IFITM1: variants seen among roughly 807,000 people sequenced by gnomAD.
IFITM1 encodes interferon induced transmembrane protein 1, also known as interferon-induced transmembrane protein 1.
IFITM1 carries 1 observed loss-of-function variant against 4.0 expected under a neutral mutation model. The ratio of observed to expected loss-of-function variants is 0.25; its 90% CI spans 0.09 to 1.18. IFITM1 has a LOEUF of 1.18. Among genes scored for constraint, IFITM1 ranks in the 50% most tolerant of loss-of-function variants. IFITM1 has a pLI of 0.50. For missense variants in IFITM1, 131 were observed against 163.2 expected (o/e 0.80, Z 1.08); for synonymous variants, 79 against 69.7 (o/e 1.13, Z -0.67).
Position 314,052 on chromosome 11 carries a change from G to A in IFITM1, c.-119G>A. The A allele has an allele frequency of 3.9e-6, 3 of 761,546 alleles. No homozygotes were observed. The allele number at this position is 761,546 out of a possible 1,614,324, so 47.2% of individuals were successfully genotyped here. Reference sequence around the variant, plus strand: ...CTTCTGAGAAACTGAAACGACAGGGGAAAGGAGGTCTCACTGAGCACCGTC... The same window carrying A: ...CTTCTGAGAAACTGAAACGACAGGGAAAAGGAGGTCTCACTGAGCACCGTC... On this transcript the variant is annotated 5_prime_UTR_variant, in exon 1 of 2. Coordinates refer to ENST00000408968, the MANE Select transcript of IFITM1 (RefSeq NM_003641.5). The surrounding 1 kb of genome is among the most constrained non-coding windows in gnomAD (Gnocchi z 4.5).
chr11:315,266 C>A lies in IFITM1; in HGVS notation c.*153C>A. 1 of 730,148 alleles carries A rather than the reference C, an allele frequency of 1.4e-6. No homozygotes were observed. The highest frequency in any genetic ancestry group is 2.3e-6 in the Non-Finnish European group (1 of 443,670). The allele number at this position is 730,148 out of a possible 1,614,324, so 45.2% of individuals were successfully genotyped here. A position where few individuals can be genotyped will look rare whatever the true frequency, so the allele number is the denominator to read the frequency against. ...AGTGTCATTCAATAAAGTGCACGTG[C>A]TTGTGATGATGCTGTGACTTCATCT... On this transcript the variant is annotated 3_prime_UTR_variant, in exon 2 of 2. Transcript: ENST00000408968.
rs201402251 is a variant in IFITM1 at position 314,253 on chromosome 11, A to G, written c.83A>G (p.His28Arg). The change falls in exon 1 of 2, where the codon CAC (histidine) becomes CGC (arginine). Residue 28 changes from histidine (H) to arginine (R), a missense_variant. Physicochemically the swap from His to Arg is conservative, Grantham distance 29. Around this residue, in one of 3 missense-constraint regions of IFITM1, gnomAD observed 77 missense variants for 80.1 expected, o/e 0.96. Transcript: ENST00000408968. The surrounding 1 kb of genome is among the most constrained non-coding windows in gnomAD (Gnocchi z 4.5). ...CCAAGGTCCACCGTGATCAACATCC[A>G]CAGCGAGACCTCCGTGCCCGACCAT... ...ILPRSTVINI[H>R]SETSVPDHVV... 243 of 1,613,744 alleles carry G rather than the reference A, an allele frequency of 1.5e-4. 2 individuals carry two copies. Among genetic ancestry groups the G allele is most frequent in the East Asian group, 1.8e-4 (8 of 44,858 alleles).
Position 314,050 on chromosome 11 carries a change from G to T in IFITM1, c.-121G>T. 1.3e-6 allele frequency: 1 copy of T among 750,228 alleles called. No individual in the cohort carries two copies. Among genetic ancestry groups the T allele is most frequent in the South Asian group, 1.7e-5 (1 of 59,472 alleles). 46.5% of individuals were successfully genotyped at this position (750,228 alleles called of 1,614,324 possible). A position where few individuals can be genotyped will look rare whatever the true frequency, so the allele number is the denominator to read the frequency against. On this transcript the variant is annotated 5_prime_UTR_variant, in exon 1 of 2. Transcript: ENST00000408968. This position sits in a 1 kb window ranked among gnomAD's most constrained non-coding sequence, Gnocchi z 4.5. ...CACTTCTGAGAAACTGAAACGACAGGGGAAAGGAGGTCTCACTGAGCACCG... is the reference window on the plus strand; with the variant it reads ...CACTTCTGAGAAACTGAAACGACAGTGGAAAGGAGGTCTCACTGAGCACCG...
In IFITM1 at chr11:314,898, C is replaced by A; in HGVS notation, c.187-24C>A. On this transcript the variant is annotated intron_variant, in intron 1 of 1. Transcript: ENST00000408968. This position sits in a 1 kb window ranked among gnomAD's most constrained non-coding sequence, Gnocchi z 4.5. ...GGCTCTCAGCTGGGGGATCCTGGTC[C>A]CCTCACCATCTCCTCTCCCCCAGTC... 6.2e-7 allele frequency: 1 copy of A among 1,609,392 alleles called. No individual in the cohort carries two copies. The highest frequency in any genetic ancestry group is 8.5e-7 in the Non-Finnish European group (1 of 1,178,000).
Position 314,963 on chromosome 11 carries a change from G to A in IFITM1, c.228G>A (p.Gln76=), listed in dbSNP as rs1590305518. The change falls in exon 2 of 2, where the codon CAG becomes CAA. Residue 76 remains glutamine, a synonymous_variant. Transcript: ENST00000408968. This position sits in a 1 kb window ranked among gnomAD's most constrained non-coding sequence, Gnocchi z 4.5. ...RKMVGDVTGA[Q]AYASTAKCLN... The stretch of plus-strand genomic sequence containing the variant: ...TGGTTGGCGACGTGACCGGGGCCCA[G>A]GCCTATGCCTCCACCGCCAAGTGCC... The A allele has an allele frequency of 1.4e-5, 23 of 1,613,916 alleles. No individual in the cohort carries two copies. The highest frequency in any genetic ancestry group is 1.8e-5 in the Non-Finnish European group (21 of 1,180,008).
At position 314,735 on chromosome 11, in the gene IFITM1, TG is replaced by T. The variant is rs1846036087; in HGVS notation, c.187-183del. 6.6e-6 allele frequency among the ~76,000 whole-genome samples: 1 copy of T among 152,008 alleles called. No individual in the cohort carries two copies. Among genetic ancestry groups the T allele is most frequent in the Admixed American group, 6.6e-5 (1 of 15,256 alleles). On this transcript the variant is annotated intron_variant, in intron 1 of 1. Transcript: ENST00000408968. The surrounding 1 kb of genome is among the most constrained non-coding windows in gnomAD (Gnocchi z 4.5). The stretch of plus-strand genomic sequence containing the variant: ...ACTCACAGGTGACTTCACCCCATGG[TG>T]GGGAGAACAGCCTGTGCTGGGGCCA...
At position 314,209 on chromosome 11, in the gene IFITM1, A is replaced by G. The variant is rs767158694; in HGVS notation, c.39A>G (p.Pro13=). The G allele has an allele frequency of 3.4e-5, 55 of 1,612,084 alleles. No homozygotes were observed. Among genetic ancestry groups the G allele is most frequent in the Non-Finnish European group, 4.3e-5 (51 of 1,178,708 alleles). ...KEEHEVAVLG[P]PPSTILPRST... ...AACATGAGGTGGCTGTGCTGGGGCC[A>G]CCCCCCAGCACCATCCTTCCAAGGT... Residue 13 remains proline, a synonymous_variant, in exon 1 of 2, where the codon CCA becomes CCG. Coordinates refer to ENST00000408968, the MANE Select transcript of IFITM1 (RefSeq NM_003641.5). The surrounding 1 kb of genome is among the most constrained non-coding windows in gnomAD (Gnocchi z 4.5).
At position 314,410 on chromosome 11, in the gene IFITM1, C is replaced by T. The variant is rs1846033835; in HGVS notation, c.186+54C>T. On this transcript the variant is annotated intron_variant, in intron 1 of 1. Coordinates refer to ENST00000408968, the MANE Select transcript of IFITM1 (RefSeq NM_003641.5). This position sits in a 1 kb window ranked among gnomAD's most constrained non-coding sequence, Gnocchi z 4.5. ...GGGTGCCGGTGAGCCTGGGGCTCCA[C>T]CTGCCCACATGCTGCCTGGGGTGGG... 6.2e-6 allele frequency: 10 copies of T among 1,604,104 alleles called. No homozygotes were observed. The highest frequency in any genetic ancestry group is 8.5e-6 in the Non-Finnish European group (10 of 1,172,044).
rs1436813044 is a variant in IFITM1, at chr11:314,424, G to A, written c.186+68G>A. 1.6e-5 allele frequency: 25 copies of A among 1,581,752 alleles called. No homozygotes were observed. In the Admixed American group the frequency reaches 4.0e-4, roughly 26 times the overall value. Reference sequence around the variant, plus strand: ...CTGGGGCTCCACCTGCCCACATGCTGCCTGGGGTGGGGACTTGTGTGTCCC... The same window carrying A: ...CTGGGGCTCCACCTGCCCACATGCTACCTGGGGTGGGGACTTGTGTGTCCC... On this transcript the variant is annotated intron_variant, in intron 1 of 1. Transcript: ENST00000408968. This position sits in a 1 kb window ranked among gnomAD's most constrained non-coding sequence, Gnocchi z 4.5.
In IFITM1 at chr11:314,243, A is replaced by G; in HGVS notation, c.73A>G (p.Ile25Val). 6.2e-7 allele frequency: 1 copy of G among 1,613,968 alleles called. No homozygotes were observed. Among genetic ancestry groups the G allele is most frequent in the Non-Finnish European group, 8.5e-7 (1 of 1,179,884 alleles). The change falls in exon 1 of 2, where the codon ATC becomes GTC. Residue 25 changes from isoleucine (I) to valine (V), a missense_variant. By Grantham distance (29) the Ile-to-Val change is conservative. Transcript: ENST00000408968. The surrounding 1 kb of genome is among the most constrained non-coding windows in gnomAD (Gnocchi z 4.5). ...CACCATCCTTCCAAGGTCCACCGTG[A>G]TCAACATCCACAGCGAGACCTCCGT... ...PSTILPRSTV[I>V]NIHSETSVPD...
chr11:315,064 C>G lies in IFITM1; in HGVS notation c.329C>G (p.Thr110Arg). 1.9e-6 allele frequency: 3 copies of G among 1,614,186 alleles called. No individual in the cohort carries two copies. Among genetic ancestry groups the G allele is most frequent in the Non-Finnish European group, 2.5e-6 (3 of 1,180,012 alleles). ...FILLLVFGSV[T>R]VYHIMLQIIQ... ...CTGTTACTGGTATTCGGCTCTGTGA[C>G]AGTCTACCATATTATGTTACAGATA... Residue 110 changes from threonine (T) to arginine (R), a missense_variant, in exon 2 of 2, where the codon ACA (threonine) becomes AGA (arginine). Around this residue, in one of 3 missense-constraint regions of IFITM1, gnomAD observed 35 missense variants for 30.1 expected, o/e 1.16. Transcript: ENST00000408968.
Position 314,075 on chromosome 11 carries a change from G to A in IFITM1, c.-96G>A, listed in dbSNP as rs953155211. 14 of 1,053,080 alleles carry A rather than the reference G, an allele frequency of 1.3e-5. No individual in the cohort carries two copies. Among genetic ancestry groups the A allele is most frequent in the East Asian group, 1.2e-4 (5 of 41,564 alleles). 65.2% of individuals were successfully genotyped at this position (1,053,080 alleles called of 1,614,324 possible). A position where few individuals can be genotyped will look rare whatever the true frequency, so the allele number is the denominator to read the frequency against. ...GGGAAAGGAGGTCTCACTGAGCACC[G>A]TCCCAGCATCCGGACACCACAGCGG... On this transcript the variant is annotated 5_prime_UTR_variant, in exon 1 of 2. Coordinates refer to ENST00000408968, the MANE Select transcript of IFITM1 (RefSeq NM_003641.5). The surrounding 1 kb of genome is among the most constrained non-coding windows in gnomAD (Gnocchi z 4.5).
In IFITM1 at chr11:314,272, C is replaced by T. The variant is rs752987131; in HGVS notation, c.102C>T (p.Pro34=). 1.4e-5 allele frequency: 22 copies of T among 1,613,792 alleles called. No individual in the cohort carries two copies. The highest frequency in any genetic ancestry group is 3.3e-5 in the Admixed American group (2 of 60,002). Residue 34 remains proline (P), a synonymous_variant, in exon 1 of 2, where the codon CCC becomes CCT. Transcript: ENST00000408968. The surrounding 1 kb of genome is among the most constrained non-coding windows in gnomAD (Gnocchi z 4.5). ...VINIHSETSV[P]DHVVWSLFNT... is the part of the protein sequence containing the mutation. ...ACATCCACAGCGAGACCTCCGTGCC[C>T]GACCATGTCGTCTGGTCCCTGTTCA...
rs764979665 is a variant in IFITM1, at chr11:314,919, C to T, written c.187-3C>T. On this transcript the variant is annotated splice_region_variant and splice_polypyrimidine_tract_variant and intron_variant, in intron 1 of 1. Transcript: ENST00000408968. This position sits in a 1 kb window ranked among gnomAD's most constrained non-coding sequence, Gnocchi z 4.5. Reference sequence around the variant, plus strand: ...GGTCCCCTCACCATCTCCTCTCCCCCAGTCTAGGGACAGGAAGATGGTTGG... The same window carrying T: ...GGTCCCCTCACCATCTCCTCTCCCCTAGTCTAGGGACAGGAAGATGGTTGG... 2 of 1,612,178 alleles carry T rather than the reference C, an allele frequency of 1.2e-6. No individual in the cohort carries two copies. The highest frequency in any genetic ancestry group is 1.1e-5 in the South Asian group (1 of 91,000).
Position 315,163 on chromosome 11 carries a change from C to G in IFITM1, c.*50C>G. Reference sequence around the variant, plus strand: ...TGCACTCCACTGTGCAATGCTGGCCCTGCACGCTGGGGCTGTTGCCCCTGC... The same window carrying G: ...TGCACTCCACTGTGCAATGCTGGCCGTGCACGCTGGGGCTGTTGCCCCTGC... On this transcript the variant is annotated 3_prime_UTR_variant, in exon 2 of 2. Coordinates refer to ENST00000408968, the MANE Select transcript of IFITM1 (RefSeq NM_003641.5). 1 of 1,578,944 alleles carries G rather than the reference C, an allele frequency of 6.3e-7. No individual in the cohort carries two copies. The highest frequency in any genetic ancestry group is 8.7e-7 in the Non-Finnish European group (1 of 1,152,234).
At position 314,363 on chromosome 11, in the gene IFITM1, A is replaced by C. The variant is rs756590869; in HGVS notation, c.186+7A>C. The C allele has an allele frequency of 3.1e-6, 5 of 1,613,780 alleles. No homozygotes were observed. The highest frequency in any genetic ancestry group is 4.2e-6 in the Non-Finnish European group (5 of 1,179,748). On this transcript the variant is annotated splice_region_variant and intron_variant, in intron 1 of 1. Coordinates refer to ENST00000408968, the MANE Select transcript of IFITM1 (RefSeq NM_003641.5). This position sits in a 1 kb window ranked among gnomAD's most constrained non-coding sequence, Gnocchi z 4.5. ...ATTCGCCTACTCCGTGAAGGTGCGTATGGCCCTGGCGGAAATCCAGGGGGT... is the reference window on the plus strand; with the variant it reads ...ATTCGCCTACTCCGTGAAGGTGCGTCTGGCCCTGGCGGAAATCCAGGGGGT...
chr11:314,276 C>A lies in IFITM1; in HGVS notation c.106C>A (p.His36Asn). 6.2e-7 allele frequency: 1 copy of A among 1,613,950 alleles called. No individual in the cohort carries two copies. Among genetic ancestry groups the A allele is most frequent in the Non-Finnish European group, 8.5e-7 (1 of 1,179,862 alleles). ...NIHSETSVPD[H>N]VVWSLFNTLF... Reference sequence around the variant, plus strand: ...CCACAGCGAGACCTCCGTGCCCGACCATGTCGTCTGGTCCCTGTTCAACAC... The same window carrying A: ...CCACAGCGAGACCTCCGTGCCCGACAATGTCGTCTGGTCCCTGTTCAACAC... The change falls in exon 1 of 2, where the codon CAT becomes AAT. Residue 36 changes from histidine to asparagine, a missense_variant. By Grantham distance (68) the His-to-Asn change is moderately conservative (BLOSUM62 1). Coordinates refer to ENST00000408968, the MANE Select transcript of IFITM1 (RefSeq NM_003641.5). This position sits in a 1 kb window ranked among gnomAD's most constrained non-coding sequence, Gnocchi z 4.5.
rs954155583 is a variant in IFITM1, at chr11:315,100, A to G, written c.365A>G (p.Lys122Arg). Residue 122 changes from lysine (K) to arginine (R), a missense_variant, in exon 2 of 2, where the codon AAA becomes AGA. Lys to Arg is a conservative substitution (Grantham distance 26). Transcript: ENST00000408968. ...YHIMLQIIQE[K>R]RGY ...ATTATGTTACAGATAATACAGGAAA[A>G]ACGGGGTTACTAGTAGCCGCCCATA... The G allele has an allele frequency of 1.7e-5, 27 of 1,613,974 alleles. No individual in the cohort carries two copies. The highest frequency in any genetic ancestry group is 5.3e-5 in the African/African-American group (4 of 74,906).
At position 314,233 on chromosome 11, in the gene IFITM1, G is replaced by T. The variant is rs1218135997; in HGVS notation, c.63G>T (p.Arg21Ser). ...LGPPPSTILPRSTVINIHSET... is the reference protein window; with the variant it reads ...LGPPPSTILPSSTVINIHSET... ...CACCCCCCAGCACCATCCTTCCAAG[G>T]TCCACCGTGATCAACATCCACAGCG... Residue 21 changes from arginine to serine, a missense_variant, in exon 1 of 2, where the codon AGG (arginine) becomes AGT (serine). Coordinates refer to ENST00000408968, the MANE Select transcript of IFITM1 (RefSeq NM_003641.5). This position sits in a 1 kb window ranked among gnomAD's most constrained non-coding sequence, Gnocchi z 4.5. The T allele has an allele frequency of 3.7e-6, 6 of 1,613,866 alleles. No homozygotes were observed. Among genetic ancestry groups the T allele is most frequent in the Admixed American group, 1.7e-5 (1 of 60,016 alleles).
Sources: allele counts gnomAD v4.1 joint callset (sites outside exome capture counted in the v4.1 genomes callset), GRCh38; gene constraint gnomAD v4.1.1; regional missense constraint gnomAD v4.1.1; non-coding constraint Gnocchi (gnomAD v3.1); transcripts MANE v1.5; gene names NCBI Gene and HGNC (gene_info 2026-07-23, HGNC 2026-07-21).